The following DOCK8 variants were observed in gnomAD, a reference collection of about 807,000 sequenced individuals.
DOCK8 encodes the protein dedicator of cytokinesis 8.
A neutral mutation model predicts 245.6 loss-of-function variants in DOCK8; 141 were observed. The ratio of observed to expected loss-of-function variants is 0.57; its 90% confidence interval spans 0.50 to 0.66. DOCK8 has a LOEUF of 0.66. Ranked by LOEUF, DOCK8 falls within the 30% of genes least tolerant of loss-of-function variation. DOCK8 has a pLI of 0.00. For synonymous variants in DOCK8, 1,168 were observed against 970.2 expected (o/e 1.20, Z -3.79); for missense variants, 2,965 against 2,603.4 (o/e 1.14, Z -3.02).
chr9:300,869 A>G (rs556486897), intron 4 of DOCK8, among the ~76,000 whole-genome samples: 23 of 152,260 alleles, frequency 1.5e-4, no homozygotes, highest in African/African-American at 5.1e-4. Context: ...CCCACCCCAA[A>G]AAGCCCTTAA....
chr9:247,659 G>T (rs1337176114), intron 1 of DOCK8, among the ~76,000 whole-genome samples: 3 of 151,960 alleles, frequency 2.0e-5, no homozygotes, highest in Non-Finnish European at 4.4e-5. Context: ...TCAGCCTCCC[G>T]AGTAGCTGGG....
intron 14 of DOCK8, among the ~76,000 whole-genome samples, chr9:355,128 A>G (rs958394981): frequency 6.0e-5 from 9 of 150,620 alleles, no homozygotes; most frequent in Admixed American, 6.6e-5. Flanking sequence ...AATTTTGTGG[A>G]TGCTGAGGAC....
chr9:407,548 C>G (rs1221214885), intron 28 of DOCK8, among the ~76,000 whole-genome samples: 1 of 152,158 alleles, frequency 6.6e-6, no homozygotes, highest in Non-Finnish European at 1.5e-5. Flanking sequence ...CACCACACAT[C>G]CAGGGCTTCT....
chr9:412,601 G>T (rs909870806), intron 28 of DOCK8, among the ~76,000 whole-genome samples: 1 of 152,006 alleles, frequency 6.6e-6, no homozygotes, highest in Non-Finnish European at 1.5e-5. Flanking sequence ...AGAATCAATT[G>T]TGTTTCTATA....
chr9:238,671 CAA>C (rs1563831504), intron 1 of DOCK8, among the ~76,000 whole-genome samples: 1 of 152,118 alleles, frequency 6.6e-6, no homozygotes, highest in African/African-American at 2.4e-5. Flanking sequence ...TGGATATAAA[CAA>C]GAGTTAAGTT....
intron 27 of DOCK8, 40 bp from the exon 28 acceptor site, chr9:406,890 G>T: frequency 1.2e-6 from 2 of 1,613,866 alleles, no homozygotes; most frequent in Non-Finnish European, 1.7e-6. Flanking sequence ...TTTCATTCCA[G>T]TTCTTGTGGC....
intron 3 of DOCK8, among the ~76,000 whole-genome samples, chr9:289,161 C>G (rs759527564): frequency 2.0e-5 from 3 of 152,094 alleles, no homozygotes; most frequent in Non-Finnish European, 2.9e-5. Context: ...TCCAAATTAC[C>G]CTGTCAGAGA....
At chr9:363,459 C>T (rs138805083) in intron 14 of DOCK8, among the ~76,000 whole-genome samples, 2,228 of 152,344 alleles carry the variant, frequency 0.015, 24 homozygotes, top group Non-Finnish European at 0.024. Context: ...CTCTGGGTTA[C>T]TGGCCATGCA....
At position 439,427 on chromosome 9, in the gene DOCK8, T is replaced by C. The variant is rs760540542; in HGVS notation, c.5223+39T>C. ...GGGCATCCCGGGGCCTGGCCTCCCA[T>C]ACTCCAGCTGGACTTGGGGTGCTGG... On this transcript the variant is annotated intron_variant, in intron 40 of 47. Transcript: ENST00000432829. The C allele has an allele frequency of 1.4e-5, 22 of 1,608,044 alleles. No individual in the cohort carries two copies. The South Asian group carries it at 2.3e-4, about 17-fold the overall frequency.
intron 7 of DOCK8, among the ~76,000 whole-genome samples, chr9:323,936 C>T (rs1387210583): frequency 1.3e-5 from 2 of 152,186 alleles, no homozygotes; most frequent in Non-Finnish European, 2.9e-5. Context: ...TGGGTTACTT[C>T]CACCTTTTGG....
At chr9:315,119 C>T (rs1489626513) in intron 6 of DOCK8, among the ~76,000 whole-genome samples, 1 of 152,178 alleles carries the variant, frequency 6.6e-6, no homozygotes, top group Non-Finnish European at 1.5e-5. Context: ...TAGGGGAGTA[C>T]TTCTTGGCTC....
At chr9:441,499 TC>T in intron 41 of DOCK8, 82 bp downstream of exon 41, 1 of 1,596,038 alleles carries the variant, frequency 6.3e-7, no homozygotes. Flanking sequence ...ATCCTTCCTC[TC>T]CAGGGAGTGA....
chr9:347,774 G>C (rs1171019238), intron 14 of DOCK8, among the ~76,000 whole-genome samples: 1 of 152,122 alleles, frequency 6.6e-6, no homozygotes, highest in Non-Finnish European at 1.5e-5. Flanking sequence ...CTAATGCCTT[G>C]CTCCAAAACT....
rs748134881 is a variant in DOCK8, at chr9:405,014, CT to C, written c.3339del (p.Phe1113LeufsTer2). ...CCATGAGCATTACCTCAATCTGAAC[CT>C]TTTTTTTATGAATGCTGATACTGCT... ...CSHEHYLNLN[L>X]FFMNADTAPT... On this transcript the variant is annotated frameshift_variant, in exon 27 of 48. Coordinates refer to ENST00000432829, the MANE Select transcript of DOCK8 (RefSeq NM_203447.4). LOFTEE classifies it high-confidence loss of function. 1.2e-6 allele frequency: 2 copies of C among 1,613,354 alleles called. No homozygotes were observed. Among genetic ancestry groups the C allele is most frequent in the Non-Finnish European group, 1.7e-6 (2 of 1,179,548 alleles).
chr9:428,617 G>A (rs1391681446), intron 35 of DOCK8, 121 bp downstream of exon 35: 4 of 1,276,116 alleles, frequency 3.1e-6, no homozygotes, highest in Non-Finnish European at 3.3e-6. Context: ...TCACAGTAAA[G>A]GTCTTAAGTC....
In DOCK8 at chr9:420,409, G is replaced by A. The variant is rs553096569; in HGVS notation, c.3849G>A (p.Lys1283=). Reference sequence around the variant, plus strand: ...AATCTGCCTCCCTTCAGCCCTATAAGCAGTACAACATGCTGAACGCGGACA... The same window carrying A: ...AATCTGCCTCCCTTCAGCCCTATAAACAGTACAACATGCTGAACGCGGACA... ...SGIVLSSLPY[K]QYNMLNADTT... Residue 1283 remains lysine (K), a synonymous_variant, in exon 31 of 48, where the codon AAG becomes AAA. Coordinates refer to ENST00000432829, the MANE Select transcript of DOCK8 (RefSeq NM_203447.4). 6.2e-7 allele frequency: 1 copy of A among 1,614,082 alleles called. No homozygotes were observed. The highest frequency in any genetic ancestry group is 2.2e-5 in the East Asian group (1 of 44,876).
chr9:459,949 A>G (rs1209429636), intron 46 of DOCK8: 1 of 152,210 alleles, frequency 6.6e-6, no homozygotes, highest in Admixed American at 6.6e-5. Context: ...ACCACATCCT[A>G]TTCAGTGTGG....
intron 38 of DOCK8, 69 bp from the exon 39 acceptor site, chr9:434,714 C>G: frequency 1.3e-6 from 2 of 1,546,668 alleles, no homozygotes; most frequent in Non-Finnish European, 1.8e-6. Context: ...GAAAAGGTCA[C>G]ACAAAGTAGA....
intron 24 of DOCK8, among the ~76,000 whole-genome samples, chr9:393,431 T>A (rs1227699146): frequency 1.3e-5 from 2 of 152,202 alleles, no homozygotes; most frequent in African/African-American, 4.8e-5. Flanking sequence ...TCATCTAATG[T>A]AATCATTATG....
Sources: gnomAD v4.1 joint callset for allele counts (sites outside exome capture counted in the v4.1 genomes callset) on GRCh38, gnomAD v4.1.1 for gene constraint, MANE v1.5 for transcripts, NCBI Gene and HGNC (gene_info 2026-07-23, HGNC 2026-07-21) for gene names.